DENND2A: variants seen among roughly 807,000 people sequenced by gnomAD.
DENND2A encodes DENN domain containing 2A, also known as DENN domain-containing protein 2A.
A neutral mutation model predicts 105.3 loss-of-function variants in DENND2A; 53 were observed. That is an observed-to-expected ratio of 0.50 (90% CI 0.40 to 0.63). DENND2A has a LOEUF of 0.63. DENND2A is among the 30% of genes least tolerant of loss of function. The pLI is 0.00. For missense variants in DENND2A, 1,138 were observed against 1,279.6 expected (o/e 0.89, Z 1.69); for synonymous variants, 522 against 508.4 (o/e 1.03, Z -0.36).
At chr7:140,613,615 C>G (rs1273250456) in intron 1 of DENND2A, among the ~76,000 whole-genome samples, 2 of 150,742 alleles carry the variant, frequency 1.3e-5, no homozygotes. Flanking sequence ...ATAGTTTAGG[C>G]TACTCTGCCT....
chr7:140,544,123 C>T (rs1016279795), intron 14 of DENND2A: 3 of 203,592 alleles, frequency 1.5e-5, no homozygotes, highest in East Asian at 2.2e-4. Flanking sequence ...AACTCCTGAC[C>T]TCAGGTGATC....
Position 140,640,298 on chromosome 7 carries a change from T to G in DENND2A, c.-248+206A>C, listed in dbSNP as rs1801147818. 6.6e-6 allele frequency: 1 copy of G among 152,120 alleles called. No individual in the cohort carries two copies. Among genetic ancestry groups the G allele is most frequent in the African/African-American group, 2.4e-5 (1 of 41,388 alleles). The allele number at this position is 152,120 out of a possible 1,614,324, so 9.4% of individuals were successfully genotyped here. A position where few individuals can be genotyped will look rare whatever the true frequency, so the allele number is the denominator to read the frequency against. ...CGGCGTCCGGGCTCAGTCCTGGGAG[T>G]CAGCCCGAGCCCGGGAGGAACGCCT... On this transcript the variant is annotated intron_variant, in intron 1 of 19. Coordinates refer to ENST00000496613, the MANE Select transcript of DENND2A (RefSeq NM_015689.5). This position sits in a 1 kb window ranked among gnomAD's most constrained non-coding sequence, Gnocchi z 4.9.
chr7:140,548,361 A>C (rs1796989227), intron 12 of DENND2A, among the ~76,000 whole-genome samples: 2 of 151,928 alleles, frequency 1.3e-5, no homozygotes, highest in South Asian at 4.2e-4. Context: ...TCTAAATTAA[A>C]ATGCCGTTTA....
chr7:140,597,203 G>C (rs1799317053), intron 3 of DENND2A, among the ~76,000 whole-genome samples: 1 of 152,202 alleles, frequency 6.6e-6, no homozygotes, highest in Admixed American at 6.5e-5. Flanking sequence ...CGCTGGTTTT[G>C]CTCTTAAGGA....
At chr7:140,582,457 C>T (rs1199604103) in intron 5 of DENND2A, among the ~76,000 whole-genome samples, 4 of 152,170 alleles carry the variant, frequency 2.6e-5, no homozygotes, top group Admixed American at 6.5e-5. Context: ...ATGAAAACAC[C>T]AACAACACAT....
intron 1 of DENND2A, among the ~76,000 whole-genome samples, chr7:140,623,439 C>A (rs1800377551): frequency 6.7e-6 from 1 of 149,266 alleles, no homozygotes; most frequent in Non-Finnish European, 1.5e-5. Context: ...ACCTAAAGAG[C>A]GTATGGAGGG....
chr7:140,628,688 C>A (rs1405254119), intron 1 of DENND2A, among the ~76,000 whole-genome samples: 1 of 151,702 alleles, frequency 6.6e-6, no homozygotes, highest in Non-Finnish European at 1.5e-5. Flanking sequence ...TACAGGCATG[C>A]GCCACCACGC....
intron 15 of DENND2A, among the ~76,000 whole-genome samples, chr7:140,526,990 G>A (rs1432171451): frequency 6.6e-6 from 1 of 152,166 alleles, no homozygotes; most frequent in Non-Finnish European, 1.5e-5. Context: ...CTCAATGTGG[G>A]GGAGTGGGCG....
rs774627233 is a variant in DENND2A, at chr7:140,527,473, C to A, written c.2350G>T (p.Ala784Ser). ...KLSILSKCCH[A>S]MVALIYPFAW... ...AAGGGGTAGATCAGCGCCACCATCG[C>A]GTGGCAGCACTTGGACAGGATGCTG... is the stretch of plus-strand genomic sequence containing the variant. Residue 784 changes from alanine (A) to serine (S), a missense_variant, in exon 15 of 20, where the codon GCG (alanine) becomes TCG (serine). Physicochemically the swap from Ala to Ser is moderately conservative, Grantham distance 99 (BLOSUM62 1). Coordinates refer to ENST00000496613, the MANE Select transcript of DENND2A (RefSeq NM_015689.5). This position sits in a 1 kb window ranked among gnomAD's most constrained non-coding sequence, Gnocchi z 4.9. 2 of 1,604,770 alleles carry A rather than the reference C, an allele frequency of 1.2e-6. No homozygotes were observed. The highest frequency in any genetic ancestry group is 2.2e-5 in the South Asian group (2 of 89,674).
chr7:140,535,569 C>CTT (rs562088190), intron 14 of DENND2A, among the ~76,000 whole-genome samples: 10 of 143,578 alleles, frequency 7.0e-5, no homozygotes, highest in African/African-American at 2.5e-5. Flanking sequence ...CTTCCAGCTT[C>CTT]TTTTTTTTTT....
At position 140,523,192 on chromosome 7, in the gene DENND2A, C is replaced by A. The variant is rs1046939965; in HGVS notation, c.2665+115G>T. ...GATAAACAGAATGAGGCCCTGGTTT[C>A]TCTCCTTATGTCTCCCTTGCCCATA... On this transcript the variant is annotated intron_variant, in intron 17 of 19. Coordinates refer to ENST00000496613, the MANE Select transcript of DENND2A (RefSeq NM_015689.5). This position sits in a 1 kb window ranked among gnomAD's most constrained non-coding sequence, Gnocchi z 4.5. 13 of 902,976 alleles carry A rather than the reference C, an allele frequency of 1.4e-5. No individual in the cohort carries two copies. The African/African-American group carries it at 1.8e-4, about 13-fold the overall frequency. 55.9% of individuals were successfully genotyped at this position (902,976 alleles called of 1,614,324 possible).
In DENND2A at chr7:140,527,328, G is replaced by C; in HGVS notation, c.2495C>G (p.Pro832Arg). The C allele has an allele frequency of 6.3e-7, 1 of 1,585,706 alleles. No homozygotes were observed. The stretch of plus-strand genomic sequence containing the variant: ...TGAGTGGGAGCTCACCTCTTCCAGC[G>C]GCAGCTCCCTGAGCAGTGGCAGCGA... The part of the protein sequence containing the change: ...SSSLPLLREL[P>R]LEEVLVVDLV... Residue 832 changes from proline (P) to arginine (R), a missense_variant, in exon 15 of 20, where the codon CCG becomes CGG. Pro to Arg is a moderately radical substitution (Grantham distance 103). Transcript: ENST00000496613. This position sits in a 1 kb window ranked among gnomAD's most constrained non-coding sequence, Gnocchi z 4.9.
At chr7:140,629,338 A>G (rs1800651134) in intron 1 of DENND2A, among the ~76,000 whole-genome samples, 1 of 152,200 alleles carries the variant, frequency 6.6e-6, no homozygotes, top group Admixed American at 6.5e-5. Context: ...TCAAAGAGGT[A>G]GCGCCTGGTG....
intron 12 of DENND2A, among the ~76,000 whole-genome samples, chr7:140,547,259 C>T (rs12540766): frequency 0.54 from 82,319 of 151,964 alleles, 23,776 homozygotes; most frequent in East Asian, 0.85. Flanking sequence ...GTAATATAAC[C>T]CCAAGGGGGT....
At chr7:140,555,486 A>C (rs961954251) in intron 12 of DENND2A, 150 bp downstream of exon 12, 3 of 687,430 alleles carry the variant, frequency 4.4e-6, no homozygotes, top group Non-Finnish European at 7.3e-6. Flanking sequence ...GAGAGAATAG[A>C]GGGGTGATGA....
chr7:140,566,951 C>A (rs1797863160), intron 9 of DENND2A, 135 bp downstream of exon 9: 5 of 757,646 alleles, frequency 6.6e-6, no homozygotes, highest in Middle Eastern at 3.4e-4. Flanking sequence ...ATCTGATATA[C>A]CCTAATTAGG....
intron 9 of DENND2A, among the ~76,000 whole-genome samples, chr7:140,566,065 T>G (rs1797822990): frequency 6.6e-6 from 1 of 152,016 alleles, no homozygotes; most frequent in African/African-American, 2.4e-5. Context: ...GTCTATGGAG[T>G]AGCCATTCTT....
intron 1 of DENND2A, among the ~76,000 whole-genome samples, chr7:140,623,378 G>A (rs1169201625): frequency 6.6e-6 from 1 of 151,156 alleles, no homozygotes. Context: ...CACTGAAGGT[G>A]CTAGGAACAT....
At chr7:140,574,897 G>A (rs895210538) in intron 5 of DENND2A, among the ~76,000 whole-genome samples, 1 of 152,030 alleles carries the variant, frequency 6.6e-6, no homozygotes, top group South Asian at 2.1e-4. Flanking sequence ...GCGGGTGCCT[G>A]TAATCCCAGC....
Sources: gnomAD v4.1 joint callset for allele counts (sites outside exome capture counted in the v4.1 genomes callset) on GRCh38, gnomAD v4.1.1 for gene constraint, Gnocchi (gnomAD v3.1) non-coding constraint, MANE v1.5 for transcripts, NCBI Gene and HGNC (gene_info 2026-07-23, HGNC 2026-07-21) for gene names.